The following RSU1 variants were observed in gnomAD, a reference collection of about 807,000 sequenced individuals.
The protein encoded by RSU1 is Ras suppressor protein 1.
A neutral mutation model predicts 31.1 loss-of-function variants in RSU1; 26 were observed. The ratio of observed to expected loss-of-function variants is 0.84; its 90% CI spans 0.61 to 1.16. The LOEUF (loss-of-function observed/expected upper bound fraction) is 1.16. Ranked by LOEUF, RSU1 falls within the 50% of genes most tolerant of loss-of-function variation. The pLI is 0.00. For synonymous variants in RSU1, 164 were observed against 136.3 expected (o/e 1.20, Z -1.41); for missense variants, 320 against 339.1 (o/e 0.94, Z 0.44).
At chr10:16,643,078 T>C (rs1452306164) in intron 8 of RSU1, among the ~76,000 whole-genome samples, 2 of 152,232 alleles carry the variant, frequency 1.3e-5, no homozygotes, top group Non-Finnish European at 2.9e-5. Flanking sequence ...CACGGCTATG[T>C]AGAGATATCA....
intron 2 of RSU1, among the ~76,000 whole-genome samples, chr10:16,788,648 A>T (rs766335139): frequency 1.3e-5 from 2 of 152,248 alleles, no homozygotes; most frequent in Non-Finnish European, 2.9e-5. Flanking sequence ...TATAACGGCC[A>T]GAGCTGACTA....
At chr10:16,649,306 T>C (rs768791006) in intron 8 of RSU1, among the ~76,000 whole-genome samples, 2 of 152,194 alleles carry the variant, frequency 1.3e-5, no homozygotes, top group African/African-American at 2.4e-5. Flanking sequence ...GATATGCATC[T>C]TATTTCATTA....
chr10:16,794,110 C>G (rs114291280), intron 2 of RSU1, among the ~76,000 whole-genome samples: 200 of 152,250 alleles, frequency 1.3e-3, no homozygotes, highest in African/African-American at 4.7e-3. Context: ...ACTTGCATCA[C>G]TGACACGCAC....
At chr10:16,663,673 C>A (rs930692459) in intron 8 of RSU1, among the ~76,000 whole-genome samples, 1 of 152,144 alleles carries the variant, frequency 6.6e-6, no homozygotes, top group African/African-American at 2.4e-5. Flanking sequence ...GCAGAGGTCA[C>A]CCTTGCACTC....
chr10:16,755,271 C>T (rs553352340), intron 4 of RSU1, among the ~76,000 whole-genome samples: 1 of 152,070 alleles, frequency 6.6e-6, no homozygotes, highest in East Asian at 1.9e-4. Flanking sequence ...CACAGATGCA[C>T]GCCACCACGC....
chr10:16,706,268 T>G (rs11254164), intron 7 of RSU1, among the ~76,000 whole-genome samples: 28,225 of 152,154 alleles, frequency 0.19, 3,377 homozygotes, highest in East Asian at 0.37. Context: ...TTTTTAATAC[T>G]TGTAAATTTT....
intron 7 of RSU1, among the ~76,000 whole-genome samples, chr10:16,698,226 T>A (rs1438758952): frequency 6.6e-6 from 1 of 151,890 alleles, no homozygotes; most frequent in African/African-American, 2.4e-5. Context: ...GGGAAGAGAC[T>A]CCTCTTTTCT....
intron 8 of RSU1, among the ~76,000 whole-genome samples, chr10:16,651,769 C>G (rs1834687706): frequency 6.6e-6 from 1 of 152,128 alleles, no homozygotes; most frequent in Admixed American, 6.5e-5. Context: ...ACTTTAAAAG[C>G]TTGACTTACA....
At chr10:16,676,584 A>G (rs1417858115) in intron 8 of RSU1, among the ~76,000 whole-genome samples, 1 of 152,186 alleles carries the variant, frequency 6.6e-6, no homozygotes, top group Non-Finnish European at 1.5e-5. Flanking sequence ...GACCAGAAGT[A>G]TTTTGGATTT....
chr10:16,695,271 G>A, intron 7 of RSU1, 116 bp from the exon 8 acceptor site: 2 of 965,696 alleles, frequency 2.1e-6, no homozygotes, highest in Non-Finnish European at 3.0e-6. Flanking sequence ...AGTGCCTCTT[G>A]GATCATTTGA....
intron 7 of RSU1, among the ~76,000 whole-genome samples, chr10:16,722,430 G>C (rs1041791414): frequency 6.6e-6 from 1 of 152,152 alleles, no homozygotes; most frequent in African/African-American, 2.4e-5. Flanking sequence ...ATGAATGGTG[G>C]TGTCATCGAC....
Position 16,593,359 on chromosome 10 carries a change from A to G in RSU1, c.*35T>C. 6.2e-7 allele frequency: 1 copy of G among 1,613,884 alleles called. No homozygotes were observed. The highest frequency in any genetic ancestry group is 1.1e-5 in the South Asian group (1 of 91,016). On this transcript the variant is annotated 3_prime_UTR_variant, in exon 9 of 9. Coordinates refer to ENST00000345264, the MANE Select transcript of RSU1 (RefSeq NM_012425.4). ...GAGAGAATGAAGTGTTGGAGAGAGA[A>G]GGTGCTGGAAGGCCAGCCGATGCCA... is the stretch of plus-strand genomic sequence containing the variant.
intron 7 of RSU1, among the ~76,000 whole-genome samples, chr10:16,696,255 C>T (rs562244671): frequency 1.9e-4 from 29 of 152,222 alleles, no homozygotes; most frequent in African/African-American, 6.5e-4. Flanking sequence ...TGTTGCTGTT[C>T]CCAGGTTCTA....
intron 2 of RSU1, among the ~76,000 whole-genome samples, chr10:16,816,591 T>C (rs1316147768): frequency 2.0e-5 from 3 of 152,230 alleles, no homozygotes; most frequent in African/African-American, 7.2e-5. Flanking sequence ...TTATTAACCA[T>C]GGAACTTTTC....
chr10:16,676,309 C>G (rs994713024), intron 8 of RSU1, among the ~76,000 whole-genome samples: 5 of 152,156 alleles, frequency 3.3e-5, no homozygotes, highest in Non-Finnish European at 5.9e-5. Context: ...ATCATGGCAG[C>G]AGATGAAGGA....
intron 7 of RSU1, among the ~76,000 whole-genome samples, chr10:16,712,977 T>G (rs1172050924): frequency 6.6e-6 from 1 of 152,212 alleles, no homozygotes; most frequent in African/African-American, 2.4e-5. Context: ...ATAATATTCT[T>G]GGCTGACAGT....
At chr10:16,656,016 C>G (rs1320710700) in intron 8 of RSU1, among the ~76,000 whole-genome samples, 2 of 151,896 alleles carry the variant, frequency 1.3e-5, no homozygotes, top group Admixed American at 1.3e-4. Context: ...ATATATTTCT[C>G]ATTATGAAAG....
intron 8 of RSU1, among the ~76,000 whole-genome samples, chr10:16,641,793 A>C (rs1409279739): frequency 6.6e-6 from 1 of 152,208 alleles, no homozygotes; most frequent in African/African-American, 2.4e-5. Context: ...CTTTCACAGC[A>C]GACCGACTTC....
At chr10:16,627,357 T>C (rs566696541) in intron 8 of RSU1, among the ~76,000 whole-genome samples, 58 of 152,310 alleles carry the variant, frequency 3.8e-4, no homozygotes, top group African/African-American at 1.3e-3. Flanking sequence ...TAGGTTATGT[T>C]AGCTACAAGA....
Sources: allele counts gnomAD v4.1 joint callset (sites outside exome capture counted in the v4.1 genomes callset), GRCh38; gene constraint gnomAD v4.1.1; transcripts MANE v1.5; gene names NCBI Gene and HGNC (gene_info 2026-07-23, HGNC 2026-07-21).